The following DNAH17 variants were observed in gnomAD, a reference collection of about 807,000 sequenced individuals.
The protein encoded by DNAH17 is axonemal beta dynein heavy chain 17.
A neutral mutation model predicts 485.6 loss-of-function variants in DNAH17; 376 were observed. The observed-to-expected ratio is 0.77, with a 90% CI of 0.71 to 0.84. DNAH17 has a LOEUF of 0.84. Ranked by LOEUF, DNAH17 falls within the 40% of genes least tolerant of loss-of-function variation. The pLI is 0.00. For synonymous variants in DNAH17, 3,031 were observed against 2,405.9 expected (o/e 1.26, Z -7.60); for missense variants, 6,370 against 5,839.3 (o/e 1.09, Z -2.96).
intron 51 of DNAH17, among the ~76,000 whole-genome samples, chr17:78,478,243 A>ACCC (rs2089171754): frequency 7.1e-6 from 1 of 140,446 alleles, no homozygotes. Context: ...CACCACCATC[A>ACCC]TCACCACCAT....
chr17:78,526,198 G>A (rs1215140403), intron 24 of DNAH17, among the ~76,000 whole-genome samples: 1 of 152,226 alleles, frequency 6.6e-6, no homozygotes, highest in Non-Finnish European at 1.5e-5. Flanking sequence ...GAACAGAGTG[G>A]GAACACGAGT....
rs2086553986 is a variant in DNAH17 at position 78,428,394 on chromosome 17, C to T, written c.12588+131G>A. The T allele has an allele frequency of 2.8e-5, 33 of 1,171,262 alleles. 1 individual carries two copies. In the South Asian group the frequency reaches 4.4e-4, roughly 16 times the overall value. 72.6% of individuals were successfully genotyped at this position (1,171,262 alleles called of 1,614,324 possible). ...GCCATACCCCAGTGTTTCTGATACC[C>T]AAGCCCAAGGCTGGGGCAGAGTGTA... On this transcript the variant is annotated intron_variant, in intron 77 of 80. Transcript: ENST00000389840.
intron 17 of DNAH17, chr17:78,543,644 C>T (rs1323211500): frequency 7.4e-6 from 5 of 678,068 alleles, no homozygotes; most frequent in Admixed American, 2.6e-5. Flanking sequence ...AAGCTGGTCT[C>T]GATCTCCTGA....
rs1483965214 is a variant in DNAH17 at position 78,560,905 on chromosome 17, G to A, written c.1866C>T (p.Thr622=). 3 of 1,550,866 alleles carry A rather than the reference G, an allele frequency of 1.9e-6. No individual in the cohort carries two copies. Among genetic ancestry groups the A allele is most frequent in the Non-Finnish European group, 2.6e-6 (3 of 1,147,080 alleles). The change falls in exon 13 of 81, where the codon ACC becomes ACT. Residue 622 remains threonine (T), a synonymous_variant. Transcript: ENST00000389840. ...PVMSGAEAKL[T]YQKYDEMMEL... ...CCATCATCTCGTCATACTTCTGATA[G>A]GTCAGCTTGGCCTCTGCTCCAGACA...
At chr17:78,431,152 T>C (rs1188186653) in intron 75 of DNAH17, among the ~76,000 whole-genome samples, 2 of 152,050 alleles carry the variant, frequency 1.3e-5, no homozygotes, top group African/African-American at 4.8e-5. Context: ...GTGCTGGGAT[T>C]ACAGGCTTGG....
At chr17:78,550,413 C>CCAGCACTGAAA (rs1568239972) in intron 16 of DNAH17, among the ~76,000 whole-genome samples, 2 of 151,882 alleles carry the variant, frequency 1.3e-5, no homozygotes, top group Admixed American at 6.6e-5. Context: ...GTGTAGGGGC[C>CCAGCACTGAAA]CTGACACCCA....
chr17:78,559,656 G>A (rs1303151574), intron 13 of DNAH17, among the ~76,000 whole-genome samples: 4 of 152,130 alleles, frequency 2.6e-5, no homozygotes, highest in African/African-American at 7.2e-5. Context: ...CGTGGAGAAG[G>A]GTCCTTTACA....
chr17:78,451,210 G>A (rs766427696), intron 66 of DNAH17, among the ~76,000 whole-genome samples: 8 of 152,270 alleles, frequency 5.3e-5, no homozygotes, highest in Non-Finnish European at 1.0e-4. Flanking sequence ...GAGGACCGCT[G>A]TGACTCATGT....
intron 14 of DNAH17, among the ~76,000 whole-genome samples, chr17:78,554,938 G>C (rs2091987622): frequency 6.6e-6 from 1 of 152,034 alleles, no homozygotes; most frequent in African/African-American, 2.4e-5. Flanking sequence ...GTAGGGATAG[G>C]GTATTAGCAC....
At chr17:78,494,196 G>T (rs1191819384) in intron 40 of DNAH17, 23 bp from the exon 41 acceptor site, 3 of 1,599,928 alleles carry the variant, frequency 1.9e-6, no homozygotes, top group Non-Finnish European at 2.6e-6. Context: ...GGATGAGGCT[G>T]GGTGAGGAAC....
At chr17:78,523,828 G>C (rs370143514) in intron 25 of DNAH17, among the ~76,000 whole-genome samples, 117 of 152,312 alleles carry the variant, frequency 7.7e-4, no homozygotes, top group African/African-American at 2.4e-3. Context: ...AGGATTGCTC[G>C]AGCCCAGGAG....
intron 9 of DNAH17, 133 bp from the exon 10 acceptor site, chr17:78,567,299 T>C (rs2092283240): frequency 1.2e-6 from 1 of 835,544 alleles, no homozygotes; most frequent in Non-Finnish European, 1.9e-6. Flanking sequence ...ACCATGGGGG[T>C]GGGAGGACAC....
In DNAH17 at chr17:78,426,978, A is replaced by T. The variant is rs780515103; in HGVS notation, c.12719T>A (p.Ile4240Asn). The T allele has an allele frequency of 1.3e-4, 214 of 1,610,796 alleles. No homozygotes were observed. Among genetic ancestry groups the T allele is most frequent in the Non-Finnish European group, 1.7e-4 (202 of 1,178,630 alleles). ...CGAACGGCGCATTTCGTTGGTCAGG[A>T]TGTTCATTCTTTCACATTCTTGAAA... ...VAFQECERMN[I>N]LTNEMRRSLK... is the part of the protein sequence containing the mutation. The change falls in exon 78 of 81, where the codon ATC (isoleucine) becomes AAC (asparagine). Residue 4240 changes from isoleucine to asparagine, a missense_variant. Transcript: ENST00000389840.
chr17:78,441,673 C>T (rs958271842), intron 71 of DNAH17, among the ~76,000 whole-genome samples: 4 of 152,216 alleles, frequency 2.6e-5, no homozygotes, highest in African/African-American at 7.2e-5. Context: ...CTCGGCTAAT[C>T]CTCCCATGGA....
At chr17:78,443,138 C>T (rs529257396) in intron 71 of DNAH17, among the ~76,000 whole-genome samples, 105 of 152,282 alleles carry the variant, frequency 6.9e-4, no homozygotes, top group Non-Finnish European at 1.2e-3. Flanking sequence ...TTTAGGTGGC[C>T]AGAGTGCAGT....
chr17:78,564,798 C>T lies in DNAH17; in HGVS notation c.1569+1816G>A, dbSNP rs74459537. ...GTTTACCTTCTAGTCAGGAAGACAACGAACACACAGACATTAGTATACAAA... is the reference window on the plus strand; with the variant it reads ...GTTTACCTTCTAGTCAGGAAGACAATGAACACACAGACATTAGTATACAAA... On this transcript the variant is annotated intron_variant, in intron 11 of 80. Coordinates refer to ENST00000389840, the MANE Select transcript of DNAH17 (RefSeq NM_173628.4). Among the ~76,000 whole-genome samples the T allele has an allele frequency of 3.4e-3, 513 of 152,108 alleles. 6 individuals carry two copies. The South Asian group carries it at 0.041, about 12-fold the overall frequency.
At chr17:78,536,723 A>T (rs56662986) in intron 19 of DNAH17, among the ~76,000 whole-genome samples, 1 of 151,900 alleles carries the variant, frequency 6.6e-6, no homozygotes, top group African/African-American at 2.4e-5. Flanking sequence ...AAGTTGGGAA[A>T]GGTTACCCTC....
At chr17:78,491,319 C>A (rs1043305243) in intron 43 of DNAH17, 124 bp downstream of exon 43, 1 of 1,385,042 alleles carries the variant, frequency 7.2e-7, no homozygotes, top group African/African-American at 1.5e-5. Flanking sequence ...CTGTGGAGAT[C>A]CAGACACGCC....
intron 15 of DNAH17, among the ~76,000 whole-genome samples, chr17:78,552,130 T>A (rs947209988): frequency 6.6e-6 from 1 of 152,200 alleles, no homozygotes; most frequent in African/African-American, 2.4e-5. Context: ...ACAAATATAG[T>A]GTCCCTTTGG....
Sources: gnomAD v4.1 joint callset for allele counts (sites outside exome capture counted in the v4.1 genomes callset) on GRCh38, gnomAD v4.1.1 for gene constraint, MANE v1.5 for transcripts, NCBI Gene and HGNC (gene_info 2026-07-23, HGNC 2026-07-21) for gene names.